The following GRID2 variants were observed in gnomAD, a reference collection of about 807,000 sequenced individuals.
GRID2 encodes the protein glutamate ionotropic receptor delta type subunit 2, also known as glutamate receptor ionotropic, delta-2.
Under a neutral mutation model 114.8 loss-of-function variants are expected in GRID2, and 33 were observed. The observed-to-expected ratio is 0.29, with a 90% CI of 0.22 to 0.38. The LOEUF (loss-of-function observed/expected upper bound fraction) is 0.38, where lower values mean the gene tolerates loss of function less well. Among genes scored for constraint, GRID2 ranks in the 10% least tolerant of loss-of-function variants. The pLI is 1.00. For missense variants in GRID2, 1,184 were observed against 1,257.7 expected (o/e 0.94, Z 0.89); for synonymous variants, 505 against 449.9 (o/e 1.12, Z -1.55).
At chr4:92,750,795 T>C (rs1737415065) in intron 2 of GRID2, among the ~76,000 whole-genome samples, 1 of 152,266 alleles carries the variant, frequency 6.6e-6, no homozygotes, top group South Asian at 2.1e-4. Context: ...TGCTTCATTT[T>C]TGAATAGCAG....
At chr4:92,337,896 A>ATTAAG (rs1407938253) in intron 1 of GRID2, among the ~76,000 whole-genome samples, 6 of 152,256 alleles carry the variant, frequency 3.9e-5, no homozygotes, top group African/African-American at 1.4e-4. Context: ...ACTCTTAGAA[A>ATTAAG]CTAAGCATCT....
intron 2 of GRID2, among the ~76,000 whole-genome samples, chr4:92,853,477 C>T (rs905625131): frequency 2.6e-5 from 4 of 151,926 alleles, no homozygotes; most frequent in African/African-American, 7.2e-5. Flanking sequence ...AAATAGTATT[C>T]ATATTTTTAT....
intron 2 of GRID2, among the ~76,000 whole-genome samples, chr4:92,681,324 G>A (rs1249739195): frequency 6.6e-6 from 1 of 152,178 alleles, no homozygotes; most frequent in Admixed American, 6.5e-5. Flanking sequence ...AATATTGTGG[G>A]TGTGGATCAT....
At chr4:92,984,573 C>G (rs972899109) in intron 2 of GRID2, among the ~76,000 whole-genome samples, 1 of 152,172 alleles carries the variant, frequency 6.6e-6, no homozygotes, top group Non-Finnish European at 1.5e-5. Flanking sequence ...TTTGTTTTCA[C>G]CATAAACCTC....
Position 93,163,399 on chromosome 4 carries a change from T to TATATGTATATATATATATAC in GRID2, c.736-44004_736-44003insTATGTATATATATATATACA. Among the ~76,000 whole-genome samples the TATATGTATATATATATATAC allele has an allele frequency of 3.7e-4, 18 of 49,126 alleles. 2 individuals carry two copies. The highest frequency in any genetic ancestry group is 1.4e-3 in the African/African-American group (18 of 12,658). The allele number at this position is 49,126 out of a possible 152,430, so 32.2% of individuals were successfully genotyped here. A position where few individuals can be genotyped will look rare whatever the true frequency, so the allele number is the denominator to read the frequency against. On this transcript the variant is annotated intron_variant, in intron 4 of 15. Coordinates refer to ENST00000282020, the MANE Select transcript of GRID2 (RefSeq NM_001510.4). ...ATATATATATATATATATATATATA[T>TATATGTATATATATATATAC]ACACTATATATATACATACATGTAT...
intron 2 of GRID2, among the ~76,000 whole-genome samples, chr4:92,837,403 C>CA (rs1742534385): frequency 6.7e-6 from 1 of 148,736 alleles, no homozygotes. Flanking sequence ...ACACTACCTT[C>CA]AAAAAAATTG....
At chr4:92,946,932 C>T (rs1231956565) in intron 2 of GRID2, among the ~76,000 whole-genome samples, 1 of 151,950 alleles carries the variant, frequency 6.6e-6, no homozygotes, top group African/African-American at 2.4e-5. Flanking sequence ...CCTGGAGAAC[C>T]ACTATTCCAT....
At chr4:93,247,731 A>G (rs895545314) in intron 8 of GRID2, among the ~76,000 whole-genome samples, 28 of 151,844 alleles carry the variant, frequency 1.8e-4, no homozygotes, top group Non-Finnish European at 4.0e-4. Context: ...ATCTCTGTAT[A>G]TGGCATATAT....
intron 10 of GRID2, among the ~76,000 whole-genome samples, chr4:93,449,663 A>G (rs1722495991): frequency 6.6e-6 from 1 of 152,050 alleles, no homozygotes; most frequent in African/African-American, 2.4e-5. Context: ...AGGAATATTT[A>G]TAGGTGATTG....
At chr4:92,381,919 CA>C (rs1482707044) in intron 1 of GRID2, among the ~76,000 whole-genome samples, 2 of 151,936 alleles carry the variant, frequency 1.3e-5, no homozygotes, top group Non-Finnish European at 2.9e-5. Context: ...CAATGAATCT[CA>C]GATGTCTACA....
chr4:93,426,783 C>T, intron 10 of GRID2, among the ~76,000 whole-genome samples: 1 of 151,942 alleles, frequency 6.6e-6, no homozygotes, highest in East Asian at 1.9e-4. Context: ...TAGAGGGAGT[C>T]CTTTTGCAAA....
intron 2 of GRID2, among the ~76,000 whole-genome samples, chr4:92,650,634 G>A (rs1437254990): frequency 6.6e-6 from 1 of 151,856 alleles, no homozygotes; most frequent in African/African-American, 2.4e-5. Context: ...CAGTTCAGTG[G>A]AATTATCATT....
chr4:92,384,652 A>G (rs1333971375), intron 1 of GRID2, among the ~76,000 whole-genome samples: 3 of 105,880 alleles, frequency 2.8e-5, no homozygotes, highest in Non-Finnish European at 5.5e-5. Context: ...TATATAATAT[A>G]TAGACATATT....
intron 2 of GRID2, among the ~76,000 whole-genome samples, chr4:92,626,962 C>T (rs35806279): frequency 0.056 from 8,464 of 152,022 alleles, 299 homozygotes; most frequent in East Asian, 0.16. Flanking sequence ...TAAAACAAAA[C>T]ACATGAAGAA....
intron 2 of GRID2, among the ~76,000 whole-genome samples, chr4:92,948,606 C>T (rs548640572): frequency 7.9e-5 from 12 of 151,906 alleles, no homozygotes; most frequent in African/African-American, 2.9e-4. Flanking sequence ...ATAAGAAAAA[C>T]TCTGTTTTAT....
intron 8 of GRID2, among the ~76,000 whole-genome samples, chr4:93,375,286 C>T (rs1405081352): frequency 6.8e-6 from 1 of 147,630 alleles, no homozygotes; most frequent in Non-Finnish European, 1.5e-5. Flanking sequence ...GATCTTGTCT[C>T]GCTGCAAGCT....
At chr4:92,691,457 C>A (rs1734178704) in intron 2 of GRID2, among the ~76,000 whole-genome samples, 1 of 152,038 alleles carries the variant, frequency 6.6e-6, no homozygotes, top group Non-Finnish European at 1.5e-5. Context: ...ACTTAAGGAG[C>A]AAAAGCCATG....
At chr4:92,828,000 A>G (rs899948722) in intron 2 of GRID2, among the ~76,000 whole-genome samples, 4 of 152,050 alleles carry the variant, frequency 2.6e-5, no homozygotes, top group Admixed American at 2.0e-4. Flanking sequence ...ATTAATAGAT[A>G]TGTAAGAATT....
At chr4:93,664,715 A>G (rs560756297) in intron 14 of GRID2, among the ~76,000 whole-genome samples, 2 of 152,232 alleles carry the variant, frequency 1.3e-5, no homozygotes, top group South Asian at 4.1e-4. Flanking sequence ...AGTATACATA[A>G]TTTCAGCTGG....
Sources: gnomAD v4.1 joint callset for allele counts (sites outside exome capture counted in the v4.1 genomes callset) on GRCh38, gnomAD v4.1.1 for gene constraint, MANE v1.5 for transcripts, NCBI Gene and HGNC (gene_info 2026-07-23, HGNC 2026-07-21) for gene names.